Variants in STAT3 observed in about 807,000 individuals in gnomAD.
STAT3 encodes signal transducer and activator of transcription 3.
A neutral mutation model predicts 114.3 loss-of-function variants in STAT3; 7 were observed. That is an observed-to-expected ratio of 0.06 (90% confidence interval 0.03 to 0.11). The LOEUF (loss-of-function observed/expected upper bound fraction) is 0.11. Ranked by LOEUF, STAT3 falls within the 10% of genes least tolerant of loss-of-function variation. The probability of loss-of-function intolerance (pLI) is 1.00; values close to 1 mark genes in which losing one functional copy is unlikely to be tolerated. For missense variants in STAT3, 364 were observed against 960.9 expected, an observed-to-expected ratio of 0.38 and a Z score of 8.21; for synonymous variants, 331 against 354.5, an observed-to-expected ratio of 0.93 and a Z score of 0.74.
chr17:42,370,173 T>A (rs948105412), intron 1 of STAT3, among the ~76,000 whole-genome samples: 22 of 151,560 alleles, frequency 1.5e-4, no homozygotes, highest in Non-Finnish European at 1.5e-5. Context: ...TTTCGCCATG[T>A]TCACCTGGCC....
chr17:42,316,654 A>G (rs1314873547), intron 23 of STAT3, 135 bp downstream of exon 23: 32 of 1,542,842 alleles, frequency 2.1e-5, no homozygotes, highest in Non-Finnish European at 2.7e-5. Context: ...CATTCATACC[A>G]TCTCTTTTGG....
At chr17:42,323,768 T>C in intron 17 of STAT3, 143 bp from the exon 18 acceptor site, 1 of 812,526 alleles carries the variant, frequency 1.2e-6, no homozygotes, top group Middle Eastern at 2.2e-4. Flanking sequence ...GGCACTGTTG[T>C]GTGTGTGCAC....
intron 2 of STAT3, 144 bp downstream of exon 2, chr17:42,348,245 C>T (rs17883005): frequency 7.4e-6 from 9 of 1,214,662 alleles, no homozygotes; most frequent in Non-Finnish European, 8.3e-6. Context: ...CCAAAGGGTG[C>T]CCCTTTATCT....
chr17:42,367,814 C>G (rs1390341171), intron 1 of STAT3, among the ~76,000 whole-genome samples: 2 of 152,162 alleles, frequency 1.3e-5, no homozygotes, highest in Admixed American at 6.5e-5. Flanking sequence ...CCAGCAACTA[C>G]AGAATGCTCA....
At chr17:42,374,719 C>T (rs887426345) in intron 1 of STAT3, among the ~76,000 whole-genome samples, 2 of 151,946 alleles carry the variant, frequency 1.3e-5, no homozygotes, top group African/African-American at 4.8e-5. Context: ...ATGTAACAAC[C>T]CTATCAAGTA....
chr17:42,362,244 A>G lies in STAT3; in HGVS notation c.-23-13705T>C, dbSNP rs1484338046. Among the ~76,000 whole-genome samples, 10 of 152,234 alleles carry G rather than the reference A, an allele frequency of 6.6e-5. No homozygotes were observed. The East Asian group carries it at 1.9e-3, about 29-fold the overall frequency. On this transcript the variant is annotated intron_variant, in intron 1 of 23. Transcript: ENST00000264657. Reference sequence around the variant, plus strand: ...TCAAAATAATACTGTAGGAAAAGCAAGTAGATATTTAACCAAAAAGGGTTC... The same window carrying G: ...TCAAAATAATACTGTAGGAAAAGCAGGTAGATATTTAACCAAAAAGGGTTC...
At position 42,346,683 on chromosome 17, in the gene STAT3, G is replaced by A. The variant is rs762135443; in HGVS notation, c.159C>T (p.Ala53=). 6.2e-7 allele frequency: 1 copy of A among 1,614,140 alleles called. No individual in the cohort carries two copies. The highest frequency in any genetic ancestry group is 8.5e-7 in the Non-Finnish European group (1 of 1,180,030). The change falls in exon 3 of 24, where the codon GCC becomes GCT. Residue 53 remains alanine, a synonymous_variant. Transcript: ENST00000264657. ...CCAGGAGATTATGAAACACCAAAGT[G>A]GCATGTGATTCTTTGCTGGCCGCAT... ...WAYAASKESH[A]TLVFHNLLGE... is the part of the protein sequence containing the mutation.
At chr17:42,347,654 G>A (rs2082760154) in intron 2 of STAT3, among the ~76,000 whole-genome samples, 1 of 152,174 alleles carries the variant, frequency 6.6e-6, no homozygotes, top group Admixed American at 6.5e-5. Flanking sequence ...CTGGTGGAAG[G>A]TGACTGGATC....
intron 1 of STAT3, among the ~76,000 whole-genome samples, chr17:42,383,381 A>T (rs1205555421): frequency 7.4e-6 from 1 of 134,406 alleles, no homozygotes; most frequent in Non-Finnish European, 1.6e-5. Context: ...TTTTTTTTTT[A>T]AAGAAACAAA....
intron 1 of STAT3, among the ~76,000 whole-genome samples, chr17:42,381,476 A>G (rs1194139707): frequency 6.6e-6 from 1 of 152,188 alleles, no homozygotes; most frequent in African/African-American, 2.4e-5. Flanking sequence ...CTGTAATCCC[A>G]GCACTTTGGG....
At chr17:42,318,475 GA>G (rs1217727379) in intron 21 of STAT3, among the ~76,000 whole-genome samples, 1 of 152,180 alleles carries the variant, frequency 6.6e-6, no homozygotes, top group African/African-American at 2.4e-5. Context: ...AAATAAGAGG[GA>G]GGGGGAAGAC....
At chr17:42,347,891 A>T (rs1159355091) in intron 2 of STAT3, among the ~76,000 whole-genome samples, 5 of 152,194 alleles carry the variant, frequency 3.3e-5, no homozygotes, top group Non-Finnish European at 7.3e-5. Flanking sequence ...CTTCCTATAT[A>T]GCCTGCAGAA....
chr17:42,381,692 A>G (rs887926711), intron 1 of STAT3, among the ~76,000 whole-genome samples: 3 of 150,702 alleles, frequency 2.0e-5, no homozygotes, highest in Non-Finnish European at 4.4e-5. Flanking sequence ...AGATAGCGCC[A>G]CTGCACTCCA....
intron 1 of STAT3, among the ~76,000 whole-genome samples, chr17:42,369,486 C>T (rs956386873): frequency 6.6e-6 from 1 of 152,148 alleles, no homozygotes; most frequent in Non-Finnish European, 1.5e-5. Flanking sequence ...TAGGTTGATT[C>T]CATGTCTTTG....
rs759106857 is a variant in STAT3 at position 42,315,773 on chromosome 17, G to C, written c.2285C>G (p.Thr762Ser). The change falls in exon 24 of 24, where the codon ACC becomes AGC. Residue 762 changes from threonine to serine, a missense_variant. Thr to Ser is a moderately conservative substitution (Grantham distance 58). Transcript: ENST00000264657. ...CATGGGGGAGGTAGCGCACTCCGAGGTCAACTCCATGTCAAAGGTGAGGGA... is the reference window on the plus strand; with the variant it reads ...CATGGGGGAGGTAGCGCACTCCGAGCTCAACTCCATGTCAAAGGTGAGGGA... ...FESLTFDMEL[T>S]SECATSPM 1 of 1,613,934 alleles carries C rather than the reference G, an allele frequency of 6.2e-7. No homozygotes were observed. Among genetic ancestry groups the C allele is most frequent in the Non-Finnish European group, 8.5e-7 (1 of 1,180,036 alleles).
chr17:42,351,333 C>T (rs2082947507), intron 1 of STAT3, among the ~76,000 whole-genome samples: 1 of 151,654 alleles, frequency 6.6e-6, no homozygotes. Flanking sequence ...GTAGCCTCAA[C>T]TTCCCAGCTC....
intron 4 of STAT3, among the ~76,000 whole-genome samples, 191 bp from the exon 5 acceptor site, chr17:42,339,600 A>C (rs2082359169): frequency 6.6e-6 from 1 of 151,776 alleles, no homozygotes. Flanking sequence ...CATACCATAA[A>C]CCCCCTTTAT....
rs766674202 is a variant in STAT3, at chr17:42,333,877, G to A, written c.956+14C>T. On this transcript the variant is annotated intron_variant, in intron 9 of 23. Transcript: ENST00000264657. This position sits in a 1 kb window ranked among gnomAD's most constrained non-coding sequence, Gnocchi z 5.2. ...TTTTTTAGATGAGGGAAAGGGACAA[G>A]GATGCTAAATTACCTTTTCATTAAG... 18 of 1,614,056 alleles carry A rather than the reference G, an allele frequency of 1.1e-5. 1 individual carries two copies. The highest frequency in any genetic ancestry group is 1.6e-4 in the Middle Eastern group (1 of 6,084).
rs903114184 is a variant in STAT3, at chr17:42,332,943, G to C, written c.1049+730C>G. Among the ~76,000 whole-genome samples the C allele has an allele frequency of 2.6e-5, 4 of 152,188 alleles. No homozygotes were observed. The East Asian group carries it at 5.8e-4, about 22-fold the overall frequency. On this transcript the variant is annotated intron_variant, in intron 10 of 23. Coordinates refer to ENST00000264657, the MANE Select transcript of STAT3 (RefSeq NM_139276.3). ...TTGAACCTGGGAGATGGAGGTTGCA[G>C]TGAGCTGAGATCATGCCACTGCACA...
Sources: gnomAD v4.1 joint callset for allele counts (sites outside exome capture counted in the v4.1 genomes callset) on GRCh38, gnomAD v4.1.1 for gene constraint, Gnocchi (gnomAD v3.1) non-coding constraint, MANE v1.5 for transcripts, NCBI Gene and HGNC (gene_info 2026-07-23, HGNC 2026-07-21) for gene names.